The following QTGAL variants were observed in gnomAD, a reference collection of about 807,000 sequenced individuals.
QTGAL encodes the protein queuosine-tRNA galactosyltransferase.
the QTGAL span, chr17:83,014,418 A>G: frequency 6.3e-7 from 1 of 1,599,594 alleles, no homozygotes; most frequent in South Asian, 1.1e-5. Flanking sequence ...TAATTTCACT[A>G]AAGGTAGTAA....
the QTGAL span, chr17:83,014,580 C>G: frequency 1.3e-6 from 2 of 1,571,374 alleles, no homozygotes; most frequent in Non-Finnish European, 1.7e-6. Context: ...TAGACTAATA[C>G]AGTCCCGCTT....
chr17:82,953,528 T>C, the QTGAL span, among the ~76,000 whole-genome samples: 1 of 152,176 alleles, frequency 6.6e-6, no homozygotes, highest in Admixed American at 6.5e-5. Context: ...ATTAATACCC[T>C]ACCAACCAAG....
chr17:83,024,709 G>T, the QTGAL span, among the ~76,000 whole-genome samples: 1 of 152,248 alleles, frequency 6.6e-6, no homozygotes, highest in African/African-American at 2.4e-5. Context: ...TGTGGGTCAG[G>T]CCTGGGTAAG....
chr17:82,958,924 GGTGT>G, the QTGAL span, among the ~76,000 whole-genome samples: 17,382 of 39,034 alleles, frequency 0.45, 4,620 homozygotes, highest in South Asian at 0.64. Context: ...GGGGGTGTAT[GGTGT>G]GTGTGTGTGT....
chr17:83,047,205 C>G, the QTGAL span, among the ~76,000 whole-genome samples: 2,425 of 152,292 alleles, frequency 0.016, 64 homozygotes, highest in African/African-American at 0.056. Context: ...GAGGTGCCTT[C>G]TCCCTGTGTT....
the QTGAL span, among the ~76,000 whole-genome samples, chr17:82,995,948 A>G: frequency 2.0e-5 from 3 of 152,204 alleles, no homozygotes; most frequent in South Asian, 6.2e-4. Flanking sequence ...GAAAACTATA[A>G]AACACTGATG....
At chr17:82,942,382 G>A in the QTGAL span, 1 of 1,608,892 alleles carries the variant, frequency 6.2e-7, no homozygotes, top group African/African-American at 1.3e-5. Flanking sequence ...GAGGGGTGAG[G>A]GTCCCCTGGC....
At chr17:83,025,628 T>C in the QTGAL span, among the ~76,000 whole-genome samples, 7 of 50,668 alleles carry the variant, frequency 1.4e-4, no homozygotes, top group East Asian at 5.8e-4. Context: ...CCGCGGAGAG[T>C]CCACACACGG....
At chr17:83,017,792 G>A in the QTGAL span, among the ~76,000 whole-genome samples, 26 of 151,402 alleles carry the variant, frequency 1.7e-4, no homozygotes, top group East Asian at 3.9e-3. Flanking sequence ...GGTACCGCAC[G>A]TGCTCCATGA....
the QTGAL span, among the ~76,000 whole-genome samples, chr17:83,013,433 TC>T: frequency 2.4e-5 from 2 of 84,248 alleles, no homozygotes; most frequent in East Asian, 4.3e-4. Context: ...CCACACCCTT[TC>T]CCCCCTCCCA....
the QTGAL span, chr17:82,965,611 A>T: frequency 3.8e-4 from 588 of 1,538,652 alleles, no homozygotes; most frequent in Non-Finnish European, 5.0e-4. Flanking sequence ...CAGGGCCCCG[A>T]ACCTGGGGGA....
At chr17:83,020,099 CAA>C in the QTGAL span, among the ~76,000 whole-genome samples, 1 of 152,024 alleles carries the variant, frequency 6.6e-6, no homozygotes, top group South Asian at 2.1e-4. Flanking sequence ...AATTTAATAG[CAA>C]AACAGATTTT....
At chr17:82,956,178 C>A in the QTGAL span, among the ~76,000 whole-genome samples, 5 of 151,718 alleles carry the variant, frequency 3.3e-5, no homozygotes, top group African/African-American at 9.7e-5. The surrounding 1 kb of genome is among the most constrained non-coding windows in gnomAD (Gnocchi z 5.7). Context: ...AAAAAAAAAA[C>A]TACTCACCTC....
the QTGAL span, among the ~76,000 whole-genome samples, chr17:82,964,024 A>AGG: frequency 0.61 from 71,790 of 118,368 alleles, 18,303 homozygotes; most frequent in East Asian, 0.66. Context: ...TGGAAGGCTG[A>AGG]GGTCGGGGGG....
the QTGAL span, among the ~76,000 whole-genome samples, chr17:82,976,964 G>C: frequency 0.21 from 17,476 of 83,592 alleles, 4,645 homozygotes; most frequent in African/African-American, 0.4. Context: ...GGACAGAGCC[G>C]AACTCCATCC....
At chr17:82,987,222 T>G in the QTGAL span, among the ~76,000 whole-genome samples, 1 of 152,236 alleles carries the variant, frequency 6.6e-6, no homozygotes, top group Admixed American at 6.5e-5. Flanking sequence ...TATATACACC[T>G]ACTATGTGTC....
the QTGAL span, among the ~76,000 whole-genome samples, chr17:83,014,198 A>C: frequency 2.0e-5 from 3 of 152,206 alleles, no homozygotes; most frequent in Non-Finnish European, 1.5e-5. Context: ...CAGCTTCTAA[A>C]ACGCTGATTA....
the QTGAL span, chr17:83,048,753 C>T: frequency 0.23 from 368,569 of 1,613,132 alleles, 42,994 homozygotes; most frequent in Non-Finnish European, 0.24. Context: ...CGTCCAGCCA[C>T]GGTTCAGCGT....
chr17:83,039,563 A>C, the QTGAL span, among the ~76,000 whole-genome samples: 19 of 53,814 alleles, frequency 3.5e-4, no homozygotes, highest in African/African-American at 5.9e-4. Context: ...CCGCCGCCCG[A>C]ACCTGTTCTA....
Sources: allele counts gnomAD v4.1 joint callset (sites outside exome capture counted in the v4.1 genomes callset), GRCh38; gene constraint gnomAD v4.1.1; non-coding constraint Gnocchi (gnomAD v3.1); transcripts MANE v1.5; gene names NCBI Gene and HGNC (gene_info 2026-07-23, HGNC 2026-07-21).